BTRC: variants seen among roughly 807,000 people sequenced by gnomAD.
The protein encoded by BTRC is F-box/WD repeat-containing protein 1A.
BTRC carries 42 observed loss-of-function variants against 85.5 expected under a neutral mutation model. That is an observed-to-expected ratio of 0.49 (90% CI 0.38 to 0.64). The LOEUF is 0.64. Ranked by LOEUF, BTRC falls within the 30% of genes least tolerant of loss-of-function variation. The pLI is 0.00. For synonymous variants in BTRC, 255 were observed against 263.3 expected, an observed-to-expected ratio of 0.97 and a Z score of 0.30; for missense variants, 594 against 743.5, an observed-to-expected ratio of 0.80 and a Z score of 2.34.
At chr10:101,465,228 A>T (rs894372721) in intron 3 of BTRC, among the ~76,000 whole-genome samples, 1 of 152,202 alleles carries the variant, frequency 6.6e-6, no homozygotes, top group South Asian at 2.1e-4. Flanking sequence ...TCTTTTGCAG[A>T]TATTTCTAAT....
chr10:101,458,442 T>C (rs1355902716), intron 2 of BTRC, among the ~76,000 whole-genome samples: 1 of 152,140 alleles, frequency 6.6e-6, no homozygotes, highest in Non-Finnish European at 1.5e-5. Flanking sequence ...CAACTGTATG[T>C]TTTTGTCAAA....
chr10:101,358,276 T>G (rs1942101208), intron 1 of BTRC, among the ~76,000 whole-genome samples: 1 of 152,128 alleles, frequency 6.6e-6, no homozygotes, highest in Non-Finnish European at 1.5e-5. Flanking sequence ...TTTTTCTTTT[T>G]TGTTTTTGTA....
intron 1 of BTRC, among the ~76,000 whole-genome samples, chr10:101,390,171 T>A (rs1159153305): frequency 6.6e-6 from 1 of 152,172 alleles, no homozygotes; most frequent in African/African-American, 2.4e-5. Flanking sequence ...TGGTAGACAA[T>A]AAATACTTGT....
chr10:101,435,417 A>G (rs919819671), intron 2 of BTRC, among the ~76,000 whole-genome samples: 11 of 152,144 alleles, frequency 7.2e-5, no homozygotes, highest in African/African-American at 1.2e-4. Flanking sequence ...TGTGTTGCCT[A>G]TTCTTGAACT....
rs1291676024 is a variant in BTRC at position 101,430,373 on chromosome 10, G to A, written c.77G>A (p.Gly26Asp). ...MCSMPRSLWL[G>D]CSSLADSMPS... Reference sequence around the variant, plus strand: ...TCTATGCCCAGGTCTCTGTGGCTGGGCTGCTCCAGCCTGGCGGACAGCATG... The same window carrying A: ...TCTATGCCCAGGTCTCTGTGGCTGGACTGCTCCAGCCTGGCGGACAGCATG... Residue 26 changes from glycine (G) to aspartate (D), a missense_variant, in exon 2 of 15, where the codon GGC (glycine) becomes GAC (aspartate). Transcript: ENST00000370187. The A allele has an allele frequency of 5.0e-6, 8 of 1,613,812 alleles. No individual in the cohort carries two copies. Among genetic ancestry groups the A allele is most frequent in the Non-Finnish European group, 4.2e-6 (5 of 1,179,936 alleles).
At position 101,373,939 on chromosome 10, in the gene BTRC, G is replaced by GAAGA. The variant is rs1554863717; in HGVS notation, c.48+19713_48+19714insGAAA. On this transcript the variant is annotated intron_variant, in intron 1 of 14. Coordinates refer to ENST00000370187, the MANE Select transcript of BTRC (RefSeq NM_033637.4). ...TCTCCAAAACAAAACAAACAAGACA[G>GAAGA]AAAAAAAAAAAAAAGATGGTCAAAG... 1.9e-3 allele frequency among the ~76,000 whole-genome samples: 234 copies of GAAGA among 124,130 alleles called. 2 individuals are homozygous for GAAGA. The highest frequency in any genetic ancestry group is 4.7e-3 in the Admixed American group (58 of 12,250). 81.4% of individuals were successfully genotyped at this position (124,130 alleles called of 152,430 possible).
intron 4 of BTRC, among the ~76,000 whole-genome samples, chr10:101,516,196 G>A (rs1321428988): frequency 6.6e-6 from 1 of 152,188 alleles, no homozygotes; most frequent in East Asian, 1.9e-4. Context: ...TTGATTGACG[G>A]AACACTTGAC....
intron 1 of BTRC, among the ~76,000 whole-genome samples, chr10:101,394,686 C>T (rs576738371): frequency 1.3e-5 from 2 of 152,178 alleles, no homozygotes; most frequent in South Asian, 4.2e-4. Flanking sequence ...TCTTAGCAGT[C>T]GGGGCAGGGT....
chr10:101,428,138 A>G (rs1437352175), intron 1 of BTRC, among the ~76,000 whole-genome samples: 2 of 152,166 alleles, frequency 1.3e-5, no homozygotes, highest in East Asian at 1.9e-4. Context: ...AATGGTCGAT[A>G]TGGATTGGCA....
intron 4 of BTRC, among the ~76,000 whole-genome samples, chr10:101,489,614 AAAATTTTATTCT>A (rs1327202066): frequency 6.6e-6 from 1 of 152,172 alleles, no homozygotes; most frequent in Non-Finnish European, 1.5e-5. Flanking sequence ...CCATACATGC[AAAATTTTATTCT>A]TGCGTCATGA....
intron 1 of BTRC, among the ~76,000 whole-genome samples, chr10:101,424,244 A>C (rs1944187988): frequency 6.6e-6 from 1 of 152,268 alleles, no homozygotes; most frequent in South Asian, 2.1e-4. Context: ...CAAAGAAAAA[A>C]AAAGAATCCT....
chr10:101,376,931 C>T (rs1942804805), intron 1 of BTRC, among the ~76,000 whole-genome samples: 1 of 151,856 alleles, frequency 6.6e-6, no homozygotes, highest in Non-Finnish European at 1.5e-5. Flanking sequence ...TTTTTGATTC[C>T]AATTTTTTTA....
At chr10:101,513,048 A>G (rs1192274890) in intron 4 of BTRC, among the ~76,000 whole-genome samples, 2 of 152,114 alleles carry the variant, frequency 1.3e-5, no homozygotes, top group South Asian at 2.1e-4. Context: ...CAACCTTTTG[A>G]TTTTTTAATA....
At chr10:101,481,314 T>C (rs549019819) in intron 4 of BTRC, among the ~76,000 whole-genome samples, 1 of 151,254 alleles carries the variant, frequency 6.6e-6, no homozygotes, top group East Asian at 1.9e-4. Flanking sequence ...TTTAAAAATA[T>C]TCTTTCTTTC....
chr10:101,531,187 T>A, intron 6 of BTRC, 50 bp from the exon 7 acceptor site: 1 of 1,398,044 alleles, frequency 7.2e-7, no homozygotes, highest in Non-Finnish European at 1.0e-6. Flanking sequence ...TATATGTATT[T>A]AAATATATAA....
intron 3 of BTRC, among the ~76,000 whole-genome samples, chr10:101,467,197 A>T (rs941003049): frequency 1.7e-5 from 1 of 59,826 alleles, no homozygotes; most frequent in Non-Finnish European, 5.4e-5. Context: ...TCTTCCTTTA[A>T]AAAAAAAAAA....
At chr10:101,472,254 T>TTTTTC (rs1241638124) in intron 3 of BTRC, among the ~76,000 whole-genome samples, 2 of 111,676 alleles carry the variant, frequency 1.8e-5, no homozygotes, top group East Asian at 4.9e-4. Flanking sequence ...CCTTCCTTCC[T>TTTTTC]TTTTCTTTTC....
intron 13 of BTRC, among the ~76,000 whole-genome samples, chr10:101,542,335 AC>A (rs2062481227): frequency 6.6e-6 from 1 of 151,766 alleles, no homozygotes; most frequent in African/African-American, 2.4e-5. Context: ...TTGACTTTGA[AC>A]CTTTTTTTAA....
At chr10:101,366,889 T>TATGTATATTA (rs1554862206) in intron 1 of BTRC, among the ~76,000 whole-genome samples, 350 of 22,526 alleles carry the variant, frequency 0.016, 11 homozygotes, top group Non-Finnish European at 0.026. Flanking sequence ...TATATATATT[T>TATGTATATTA]ATATATATTT....
Sources: allele counts gnomAD v4.1 joint callset (sites outside exome capture counted in the v4.1 genomes callset), GRCh38; gene constraint gnomAD v4.1.1; transcripts MANE v1.5; gene names NCBI Gene and HGNC (gene_info 2026-07-23, HGNC 2026-07-21).